Variants in KLF12 observed in about 807,000 individuals in gnomAD.
KLF12 encodes the protein Krueppel-like factor 12.
KLF12 carries 9 observed loss-of-function variants against 37.8 expected under a neutral mutation model. That is an observed-to-expected ratio of 0.24 (90% confidence interval 0.14 to 0.42). The LOEUF is 0.42. KLF12 is among the 10% of genes least tolerant of loss of function. The probability of loss-of-function intolerance (pLI) is 1.00; values close to 1 mark genes in which losing one functional copy is unlikely to be tolerated. For synonymous variants in KLF12, 208 were observed against 202.1 expected (o/e 1.03, Z -0.25); for missense variants, 411 against 516.0 (o/e 0.80, Z 1.97).
At chr13:74,077,480 A>C (rs1366017860) in intron 1 of KLF12, among the ~76,000 whole-genome samples, 1 of 152,184 alleles carries the variant, frequency 6.6e-6, no homozygotes, top group East Asian at 1.9e-4. Context: ...TATAATAATT[A>C]GGGGGCAGGG....
At chr13:74,111,363 C>G (rs1876965356) in intron 1 of KLF12, among the ~76,000 whole-genome samples, 1 of 152,004 alleles carries the variant, frequency 6.6e-6, no homozygotes, top group South Asian at 2.1e-4. Context: ...TTTAAGGTAC[C>G]AATAAAGTTC....
the KLF12 span, among the ~76,000 whole-genome samples, chr13:74,168,262 T>A: frequency 6.6e-6 from 1 of 152,216 alleles, no homozygotes; most frequent in Non-Finnish European, 1.5e-5. Flanking sequence ...GGGGACCCAA[T>A]ATGCACAGCT....
chr13:74,237,538 G>A, the KLF12 span, among the ~76,000 whole-genome samples: 11 of 147,320 alleles, frequency 7.5e-5, no homozygotes, highest in African/African-American at 2.7e-4. Flanking sequence ...TGGGCAGTAT[G>A]GCCATTTTCA....
chr13:73,820,213 A>T (rs1244943076), intron 4 of KLF12, among the ~76,000 whole-genome samples: 2 of 152,292 alleles, frequency 1.3e-5, no homozygotes, highest in Middle Eastern at 3.4e-3. Context: ...TATGACATTA[A>T]CATTCCCTAA....
At chr13:74,184,450 T>A in the KLF12 span, among the ~76,000 whole-genome samples, 1 of 152,082 alleles carries the variant, frequency 6.6e-6, no homozygotes, top group East Asian at 1.9e-4. Context: ...AAATTGAATA[T>A]AATGTTTCCA....
At chr13:73,817,042 C>T (rs1337070540) in intron 4 of KLF12, among the ~76,000 whole-genome samples, 1 of 152,170 alleles carries the variant, frequency 6.6e-6, no homozygotes, top group Non-Finnish European at 1.5e-5. Flanking sequence ...AGGCTGGGTG[C>T]AGTGGCTCAC....
the KLF12 span, among the ~76,000 whole-genome samples, chr13:74,200,841 G>A: frequency 2.3e-4 from 35 of 152,122 alleles, 1 homozygote; most frequent in East Asian, 2.5e-3. Flanking sequence ...GGTATTTGGC[G>A]TATTAGTATT....
chr13:73,907,538 ATACT>A (rs569578369), intron 3 of KLF12, among the ~76,000 whole-genome samples: 2 of 152,194 alleles, frequency 1.3e-5, no homozygotes, highest in Non-Finnish European at 2.9e-5. Context: ...ACACAAAATG[ATACT>A]TAATTAAGAA....
At chr13:73,785,935 C>T (rs1881314038) in intron 5 of KLF12, among the ~76,000 whole-genome samples, 1 of 152,266 alleles carries the variant, frequency 6.6e-6, no homozygotes, top group South Asian at 2.1e-4. Context: ...TGTCTTTTGA[C>T]ATCTTAAAGA....
chr13:73,750,708 G>GT (rs1878686287), intron 6 of KLF12, among the ~76,000 whole-genome samples: 1 of 152,002 alleles, frequency 6.6e-6, no homozygotes, highest in South Asian at 2.1e-4. Context: ...GTACCATGGT[G>GT]ATTAGCTGCA....
intron 5 of KLF12, among the ~76,000 whole-genome samples, chr13:73,783,884 G>A (rs921518859): frequency 3.3e-5 from 5 of 152,018 alleles, no homozygotes; most frequent in Non-Finnish European, 7.4e-5. Flanking sequence ...TAACACAAAC[G>A]CTTCCTTAGA....
chr13:74,111,628 A>G (rs1876977747), intron 1 of KLF12, among the ~76,000 whole-genome samples: 1 of 152,206 alleles, frequency 6.6e-6, no homozygotes, highest in Admixed American at 6.5e-5. Context: ...GAAAAGTCCA[A>G]TTAATCATTC....
At chr13:74,071,972 C>T (rs534420834) in intron 1 of KLF12, among the ~76,000 whole-genome samples, 7 of 151,192 alleles carry the variant, frequency 4.6e-5, no homozygotes, top group Admixed American at 4.0e-4. Flanking sequence ...TCCTCCCCAA[C>T]CCCCCCACCT....
the KLF12 span, among the ~76,000 whole-genome samples, chr13:74,158,249 C>T: frequency 6.6e-6 from 1 of 152,126 alleles, no homozygotes; most frequent in African/African-American, 2.4e-5. Flanking sequence ...GACACATGTG[C>T]GGCTGCAGGA....
Position 73,885,435 on chromosome 13 carries a change from G to A in KLF12, c.124-39062C>T, listed in dbSNP as rs144840301. On this transcript the variant is annotated intron_variant, in intron 3 of 7. Coordinates refer to ENST00000377669, the MANE Select transcript of KLF12 (RefSeq NM_007249.5). The stretch of plus-strand genomic sequence containing the variant: ...CCCTAATATCACAAACCTAGTCCCA[G>A]TCACCATGATCTCTAGTCTTGATTT... Among the ~76,000 whole-genome samples, 795 of 152,250 alleles carry A rather than the reference G, an allele frequency of 5.2e-3. 3 individuals are homozygous for A. Among genetic ancestry groups the A allele is most frequent in the Non-Finnish European group, 9.4e-3 (642 of 68,014 alleles).
intron 3 of KLF12, among the ~76,000 whole-genome samples, chr13:73,942,926 T>C (rs1198838248): frequency 6.6e-6 from 1 of 152,154 alleles, no homozygotes; most frequent in Non-Finnish European, 1.5e-5. Flanking sequence ...TATGCAGAAG[T>C]TATTGAAGAG....
intron 5 of KLF12, among the ~76,000 whole-genome samples, chr13:73,781,049 C>T (rs1331890624): frequency 2.0e-5 from 3 of 152,204 alleles, no homozygotes; most frequent in Non-Finnish European, 2.9e-5. Context: ...GCCACGGCCA[C>T]TCCAACCTTC....
chr13:73,984,151 GGA>G (rs758207196), intron 2 of KLF12, among the ~76,000 whole-genome samples: 4 of 152,194 alleles, frequency 2.6e-5, no homozygotes, highest in Non-Finnish European at 5.9e-5. Flanking sequence ...GAAGAGGCAA[GGA>G]AAGACTTGGT....
At chr13:74,099,842 A>T (rs1161206649) in intron 1 of KLF12, among the ~76,000 whole-genome samples, 2 of 152,364 alleles carry the variant, frequency 1.3e-5, no homozygotes, top group Admixed American at 1.3e-4. Flanking sequence ...TATTTAAAAA[A>T]AAAGTGTTGA....
Sources: allele counts gnomAD v4.1 joint callset (sites outside exome capture counted in the v4.1 genomes callset), GRCh38; gene constraint gnomAD v4.1.1; transcripts MANE v1.5; gene names NCBI Gene and HGNC (gene_info 2026-07-23, HGNC 2026-07-21).